SORCS2: variants seen among roughly 807,000 people sequenced by gnomAD.
SORCS2 encodes sortilin related VPS10 domain containing receptor 2.
Under a neutral mutation model 141.6 loss-of-function variants are expected in SORCS2, and 100 were observed. The observed-to-expected ratio is 0.71, with a 90% CI of 0.60 to 0.83. The LOEUF (loss-of-function observed/expected upper bound fraction) is 0.83, where lower values mean the gene tolerates loss of function less well. Ranked by LOEUF, SORCS2 falls within the 40% of genes least tolerant of loss-of-function variation. The probability of loss-of-function intolerance (pLI) is 0.00; values close to 1 mark genes in which losing one functional copy is unlikely to be tolerated. For synonymous variants in SORCS2, 789 were observed against 676.9 expected, an observed-to-expected ratio of 1.17 and a Z score of -2.57; for missense variants, 1,646 against 1,560.2, an observed-to-expected ratio of 1.05 and a Z score of -0.93.
chr4:7,543,811 T>C (rs371329247), intron 3 of SORCS2, among the ~76,000 whole-genome samples: 15 of 17,244 alleles, frequency 8.7e-4, no homozygotes, highest in Non-Finnish European at 2.0e-3. Context: ...CATCCATCCA[T>C]CCATCCATCT....
At chr4:7,475,645 G>A (rs11729654) in intron 2 of SORCS2, among the ~76,000 whole-genome samples, 150,558 of 152,370 alleles carry the variant, frequency 0.99, 74,390 homozygotes, top group East Asian at 1. Flanking sequence ...ATCAGAACTC[G>A]TGACTGTGTG....
At position 7,661,676 on chromosome 4, in the gene SORCS2, C is replaced by T. The variant is rs569855168; in HGVS notation, c.952+112C>T. The stretch of plus-strand genomic sequence containing the variant: ...TCCGCAATGGCTGGCCCTACACAGC[C>T]GGCCTCACTGTGTCTCGATGTGGCA... On this transcript the variant is annotated intron_variant, in intron 6 of 26. Coordinates refer to ENST00000507866, the MANE Select transcript of SORCS2 (RefSeq NM_020777.3). 1,932 of 976,068 alleles carry T rather than the reference C, an allele frequency of 2.0e-3. 9 individuals carry two copies. The highest frequency in any genetic ancestry group is 2.5e-3 in the Non-Finnish European group (1,609 of 641,688). The allele number at this position is 976,068 out of a possible 1,614,324, so 60.5% of individuals were successfully genotyped here.
At chr4:7,210,642 A>G (rs1728011427) in intron 1 of SORCS2, among the ~76,000 whole-genome samples, 1 of 152,160 alleles carries the variant, frequency 6.6e-6, no homozygotes, top group Non-Finnish European at 1.5e-5. Context: ...GTTGGTGACA[A>G]TCCCAACTCT....
At chr4:7,705,666 T>C (rs566636684) in intron 14 of SORCS2, among the ~76,000 whole-genome samples, 1 of 152,222 alleles carries the variant, frequency 6.6e-6, no homozygotes, top group Non-Finnish European at 1.5e-5. Flanking sequence ...GGGACTACAC[T>C]CTGGCTGGGT....
At chr4:7,390,840 A>G (rs1220342253) in intron 1 of SORCS2, among the ~76,000 whole-genome samples, 2 of 152,240 alleles carry the variant, frequency 1.3e-5, no homozygotes, top group Non-Finnish European at 2.9e-5. Context: ...GGAATTGAAC[A>G]GATTTCATGA....
intron 2 of SORCS2, chr4:7,434,637 G>T: frequency 1.2e-6 from 2 of 1,613,350 alleles, no homozygotes; most frequent in Non-Finnish European, 8.5e-7. Flanking sequence ...ACTCCGTGGC[G>T]TCAGGGTTCA....
intron 22 of SORCS2, 140 bp downstream of exon 22, chr4:7,728,602 C>T (rs1727386989): frequency 1.6e-6 from 1 of 616,104 alleles, no homozygotes. Context: ...TTCGGGCCAG[C>T]TGGGGATGTT....
chr4:7,208,737 C>G (rs958747218), intron 1 of SORCS2, among the ~76,000 whole-genome samples: 1 of 152,204 alleles, frequency 6.6e-6, no homozygotes, highest in Non-Finnish European at 1.5e-5. Context: ...TTGTCTCCTG[C>G]TCACCAGGCA....
intron 2 of SORCS2, among the ~76,000 whole-genome samples, chr4:7,515,240 C>G (rs1732900039): frequency 6.6e-6 from 1 of 152,214 alleles, no homozygotes; most frequent in Non-Finnish European, 1.5e-5. Flanking sequence ...CAAGGTCACA[C>G]AGCTTGTCAC....
chr4:7,468,894 C>T (rs1460148940), intron 2 of SORCS2, among the ~76,000 whole-genome samples: 4 of 152,210 alleles, frequency 2.6e-5, no homozygotes, highest in African/African-American at 9.7e-5. Flanking sequence ...GTTTCTCTCC[C>T]TGCTCCACAT....
chr4:7,553,969 A>G (rs1283923712), intron 3 of SORCS2, among the ~76,000 whole-genome samples: 1 of 152,238 alleles, frequency 6.6e-6, no homozygotes, highest in East Asian at 1.9e-4. Flanking sequence ...TAGGAGGTTC[A>G]TCGCCCACAT....
At chr4:7,204,718 C>A (rs1727644391) in intron 1 of SORCS2, among the ~76,000 whole-genome samples, 1 of 152,186 alleles carries the variant, frequency 6.6e-6, no homozygotes, top group Non-Finnish European at 1.5e-5. Flanking sequence ...TGGGAGTCAC[C>A]TTTCCCTGTT....
At chr4:7,422,869 C>T (rs1279914621) in intron 2 of SORCS2, among the ~76,000 whole-genome samples, 1 of 152,220 alleles carries the variant, frequency 6.6e-6, no homozygotes, top group African/African-American at 2.4e-5. Context: ...CAGGGCTTCT[C>T]AGCACACCCG....
chr4:7,330,384 G>T (rs1441960740), intron 1 of SORCS2, among the ~76,000 whole-genome samples: 2 of 151,986 alleles, frequency 1.3e-5, no homozygotes, highest in African/African-American at 4.8e-5. Flanking sequence ...TCAGGTCAGG[G>T]CAGCTGTGCC....
At chr4:7,249,285 A>G (rs1179800000) in intron 1 of SORCS2, among the ~76,000 whole-genome samples, 1 of 151,734 alleles carries the variant, frequency 6.6e-6, no homozygotes, top group Non-Finnish European at 1.5e-5. Flanking sequence ...GGCTGGTGTC[A>G]CTCTCTCTCC....
chr4:7,444,734 A>G (rs1452705255), intron 2 of SORCS2, among the ~76,000 whole-genome samples: 1 of 152,172 alleles, frequency 6.6e-6, no homozygotes, highest in African/African-American at 2.4e-5. Flanking sequence ...CATGCCGAGG[A>G]GGAGTCAGAG....
chr4:7,541,871 A>G (rs1712692859), intron 3 of SORCS2, among the ~76,000 whole-genome samples: 1 of 152,188 alleles, frequency 6.6e-6, no homozygotes, highest in East Asian at 1.9e-4. Context: ...GCCGGAGTCA[A>G]CTGTTTTGAT....
chr4:7,602,843 C>G (rs570065829), intron 3 of SORCS2, among the ~76,000 whole-genome samples: 2 of 152,192 alleles, frequency 1.3e-5, no homozygotes, highest in Non-Finnish European at 2.9e-5. Context: ...ACCGAGATCA[C>G]GCCACTGCAC....
intron 17 of SORCS2, 24 bp from the exon 18 acceptor site, chr4:7,717,988 C>G: frequency 6.3e-7 from 1 of 1,582,776 alleles, no homozygotes; most frequent in Non-Finnish European, 8.6e-7. Context: ...TGAAGCGGAC[C>G]CTGACCCTCT....
Sources: allele counts gnomAD v4.1 joint callset (sites outside exome capture counted in the v4.1 genomes callset), GRCh38; gene constraint gnomAD v4.1.1; transcripts MANE v1.5; gene names NCBI Gene and HGNC (gene_info 2026-07-23, HGNC 2026-07-21).